Variants in PRKG1 observed in about 807,000 individuals in gnomAD.
PRKG1 encodes cGMP-dependent protein kinase 1.
A neutral mutation model predicts 88.1 loss-of-function variants in PRKG1; 35 were observed. The ratio of observed to expected loss-of-function variants is 0.40; its 90% CI spans 0.30 to 0.53. PRKG1 has a LOEUF of 0.53. PRKG1 is among the 20% of genes least tolerant of loss of function. The pLI, the probability that PRKG1 is intolerant of heterozygous loss-of-function variation, is 0.59. For missense variants in PRKG1, 540 were observed against 839.8 expected (o/e 0.64, Z 4.41); for synonymous variants, 303 against 292.5 (o/e 1.04, Z -0.37).
At chr10:51,302,781 T>C (rs1035014598) in intron 2 of PRKG1, 2 of 152,164 alleles carry the variant, frequency 1.3e-5, no homozygotes, top group African/African-American at 4.8e-5. Context: ...CAGGAAAAGA[T>C]TATGGAGCAT....
chr10:52,245,601 TG>T (rs1841002276), intron 9 of PRKG1, among the ~76,000 whole-genome samples: 1 of 152,140 alleles, frequency 6.6e-6, no homozygotes, highest in Non-Finnish European at 1.5e-5. Context: ...AGTTCATGTG[TG>T]TTTACTAAAA....
At chr10:51,710,082 A>C (rs148131663) in intron 3 of PRKG1, among the ~76,000 whole-genome samples, 3 of 152,204 alleles carry the variant, frequency 2.0e-5, no homozygotes, top group Admixed American at 2.0e-4. Flanking sequence ...GTGAACGAAA[A>C]TGTGACTTCT....
At chr10:51,885,528 T>C (rs1841545671) in intron 4 of PRKG1, among the ~76,000 whole-genome samples, 1 of 152,220 alleles carries the variant, frequency 6.6e-6, no homozygotes, top group African/African-American at 2.4e-5. Context: ...CCAATCCAAT[T>C]ACTCTCATGG....
chr10:51,128,412 A>C (rs1283520877), intron 1 of PRKG1, among the ~76,000 whole-genome samples: 1 of 152,212 alleles, frequency 6.6e-6, no homozygotes, highest in African/African-American at 2.4e-5. Context: ...TGGGACATTA[A>C]AATTAAGTGA....
Position 51,628,965 on chromosome 10 carries a change from C to CA in PRKG1, c.592+161143dup, listed in dbSNP as rs199634329. 3.1e-3 allele frequency among the ~76,000 whole-genome samples: 305 copies of CA among 98,448 alleles called. 10 individuals are homozygous for CA. Among genetic ancestry groups the CA allele is most frequent in the African/African-American group, 9.0e-3 (271 of 29,980 alleles). The allele number at this position is 98,448 out of a possible 152,430, so 64.6% of individuals were successfully genotyped here. On this transcript the variant is annotated intron_variant, in intron 3 of 17. Transcript: ENST00000373980. ...TGGGCGACAGAGCGAGACTCCGTCT[C>CA]AAAAAAAAAAAAAACAAAAACAAAA...
At chr10:51,156,050 G>C (rs1165573168) in intron 2 of PRKG1, among the ~76,000 whole-genome samples, 1 of 151,788 alleles carries the variant, frequency 6.6e-6, no homozygotes, top group African/African-American at 2.4e-5. Flanking sequence ...ATAAAGACAA[G>C]AACAAGGTCA....
At chr10:51,138,675 G>GC (rs1845746747) in intron 1 of PRKG1, among the ~76,000 whole-genome samples, 1 of 68,490 alleles carries the variant, frequency 1.5e-5, no homozygotes, top group South Asian at 6.0e-4. Context: ...ATTGAGTTTT[G>GC]TTTTTTTTTT....
chr10:51,001,629 C>G (rs980870942), intron 1 of PRKG1, among the ~76,000 whole-genome samples: 1 of 152,122 alleles, frequency 6.6e-6, no homozygotes, highest in Non-Finnish European at 1.5e-5. Flanking sequence ...CAAACATCCA[C>G]TTTTCTTTCT....
intron 3 of PRKG1, among the ~76,000 whole-genome samples, chr10:51,545,154 C>T (rs912592243): frequency 1.3e-5 from 2 of 152,006 alleles, no homozygotes; most frequent in African/African-American, 4.8e-5. Context: ...ATATGTGCAT[C>T]ATTCAAACCT....
At chr10:51,305,669 T>C (rs983155411) in intron 2 of PRKG1, among the ~76,000 whole-genome samples, 1 of 152,176 alleles carries the variant, frequency 6.6e-6, no homozygotes, top group Non-Finnish European at 1.5e-5. Flanking sequence ...GTCTTCCTTA[T>C]AGCCATGTGA....
chr10:51,749,164 A>G (rs1291931044), intron 3 of PRKG1, among the ~76,000 whole-genome samples: 1 of 152,242 alleles, frequency 6.6e-6, no homozygotes, highest in Non-Finnish European at 1.5e-5. Context: ...AGAAGTGAGT[A>G]CTGAACTGGG....
intron 3 of PRKG1, among the ~76,000 whole-genome samples, chr10:51,477,788 C>G (rs1370792349): frequency 3.3e-5 from 5 of 151,962 alleles, no homozygotes; most frequent in African/African-American, 1.2e-4. Context: ...CCCATAGATA[C>G]AGAAGTATAA....
intron 2 of PRKG1, among the ~76,000 whole-genome samples, chr10:51,167,841 G>A (rs1846591637): frequency 6.6e-6 from 1 of 152,054 alleles, no homozygotes; most frequent in African/African-American, 2.4e-5. Flanking sequence ...CTGTTCTGAC[G>A]GTAGATATAC....
intron 3 of PRKG1, among the ~76,000 whole-genome samples, chr10:51,753,741 A>G (rs1045956733): frequency 6.6e-6 from 1 of 152,206 alleles, no homozygotes; most frequent in African/African-American, 2.4e-5. Context: ...ATGTGCTGGC[A>G]TAGGTTGACT....
chr10:51,670,810 TCAA>T (rs1413291805), intron 3 of PRKG1, among the ~76,000 whole-genome samples: 2 of 151,720 alleles, frequency 1.3e-5, no homozygotes, highest in South Asian at 2.1e-4. Context: ...CACTTTTAAA[TCAA>T]CAACAAAAGT....
chr10:52,194,736 TC>T (rs1198943523), intron 9 of PRKG1, among the ~76,000 whole-genome samples: 1 of 152,156 alleles, frequency 6.6e-6, no homozygotes, highest in African/African-American at 2.4e-5. Flanking sequence ...TAATCTTTTT[TC>T]CTGTAATGTT....
chr10:51,794,999 G>A (rs1431335378), intron 3 of PRKG1, among the ~76,000 whole-genome samples: 1 of 151,990 alleles, frequency 6.6e-6, no homozygotes, highest in Non-Finnish European at 1.5e-5. Context: ...CGTAGTAAAT[G>A]TTCAATAAAG....
chr10:52,078,670 A>AATT (rs1481341751), intron 7 of PRKG1, among the ~76,000 whole-genome samples: 1 of 152,236 alleles, frequency 6.6e-6, no homozygotes, highest in East Asian at 1.9e-4. Context: ...AGACTGGATA[A>AATT]ATTATTCTGT....
chr10:51,238,205 TAAACAGAATCATAAAATGTTGGTGG>T (rs1436354693), intron 2 of PRKG1, among the ~76,000 whole-genome samples: 7 of 152,204 alleles, frequency 4.6e-5, no homozygotes, highest in Non-Finnish European at 1.0e-4. Flanking sequence ...AGTAGTAGAA[TAAACAGAATCATAAAATGTTGGTGG>T]GCATCGAACT....
Sources: allele counts gnomAD v4.1 joint callset (sites outside exome capture counted in the v4.1 genomes callset), GRCh38; gene constraint gnomAD v4.1.1; transcripts MANE v1.5; gene names NCBI Gene and HGNC (gene_info 2026-07-23, HGNC 2026-07-21).